The following PCDHA2 variants were observed in gnomAD, a reference collection of about 807,000 sequenced individuals.
PCDHA2 encodes the protein protocadherin alpha 2, also known as protocadherin alpha-2.
A neutral mutation model predicts 66.0 loss-of-function variants in PCDHA2; 58 were observed. The observed-to-expected ratio is 0.88, with a 90% confidence interval of 0.71 to 1.09. PCDHA2 has a LOEUF of 1.09. PCDHA2 is among the 50% of genes least tolerant of loss of function. PCDHA2 has a pLI of 0.00. For missense variants in PCDHA2, 1,267 were observed against 1,242.3 expected (o/e 1.02, Z -0.30); for synonymous variants, 634 against 554.0 (o/e 1.14, Z -2.03).
At chr5:140,941,214 C>CCTTTCTTCCTTTCTTTCTTTCTTTCTTT (rs2092875794) in intron 1 of PCDHA2, among the ~76,000 whole-genome samples, 1 of 122,414 alleles carries the variant, frequency 8.2e-6, no homozygotes, top group Non-Finnish European at 1.7e-5. Flanking sequence ...TTTCTTTCTT[C>CCTTTCTTCCTTTCTTTCTTTCTTTCTTT]CTTTCTTTCT....
chr5:140,843,887 A>T, intron 1 of PCDHA2: 2 of 705,148 alleles, frequency 2.8e-6, no homozygotes, highest in Non-Finnish European at 4.7e-6. Context: ...ATAATACAGT[A>T]TTAATCATTC....
At chr5:140,946,857 G>T (rs2094041766) in intron 1 of PCDHA2, among the ~76,000 whole-genome samples, 1 of 151,296 alleles carries the variant, frequency 6.6e-6, no homozygotes, top group Non-Finnish European at 1.5e-5. Flanking sequence ...GAGAGATTGA[G>T]GAGAGGTTGG....
At chr5:140,857,771 GCAGT>G in intron 1 of PCDHA2, 1 of 1,597,658 alleles carries the variant, frequency 6.3e-7, no homozygotes, top group Non-Finnish European at 8.6e-7. Context: ...CGCGGGCGGT[GCAGT>G]CAGTGAGCTG....
intron 1 of PCDHA2, among the ~76,000 whole-genome samples, chr5:140,944,665 A>G (rs782357699): frequency 1.1e-4 from 17 of 152,138 alleles, no homozygotes; most frequent in Non-Finnish European, 2.5e-4. Flanking sequence ...CCCCTTATTT[A>G]TCTATTCTGT....
At chr5:140,802,066 T>C (rs2149956294) in intron 1 of PCDHA2, 2 of 1,614,186 alleles carry the variant, frequency 1.2e-6, no homozygotes, top group Middle Eastern at 1.6e-4. Flanking sequence ...GCAGATATTC[T>C]GTCAAAATTC....
intron 1 of PCDHA2, chr5:140,858,387 T>C (rs1260966424): frequency 1.9e-6 from 3 of 1,582,118 alleles, no homozygotes; most frequent in Admixed American, 1.8e-5. Flanking sequence ...TGCCCAATGG[T>C]AGATGTGGAC....
At chr5:140,827,212 TAAAGG>T (rs2150084173) in intron 1 of PCDHA2, among the ~76,000 whole-genome samples, 1 of 152,096 alleles carries the variant, frequency 6.6e-6, no homozygotes, top group Admixed American at 6.5e-5. Flanking sequence ...TGAGAACAAT[TAAAGG>T]AAAGGATATG....
At chr5:140,882,823 T>C (rs2059326985) in intron 1 of PCDHA2, 1 of 1,614,160 alleles carries the variant, frequency 6.2e-7, no homozygotes, top group Non-Finnish European at 8.5e-7. Flanking sequence ...CACAAAACAG[T>C]CTTGAGCAAA....
intron 1 of PCDHA2, chr5:140,848,339 A>T (rs1554142071): frequency 4.5e-6 from 4 of 885,086 alleles, no homozygotes. Context: ...AATCCAGACA[A>T]ATACAGCCCT....
At chr5:140,797,471 C>A (rs781911209) in intron 1 of PCDHA2, 119 bp downstream of exon 1, 6 of 1,197,636 alleles carry the variant, frequency 5.0e-6, no homozygotes, top group Non-Finnish European at 7.1e-6. Context: ...TCCTACCGTG[C>A]GATTTTGAAT....
intron 1 of PCDHA2, among the ~76,000 whole-genome samples, chr5:140,943,416 A>T (rs556948015): frequency 2.6e-5 from 4 of 152,286 alleles, no homozygotes; most frequent in African/African-American, 9.6e-5. Flanking sequence ...GACTAGAGGC[A>T]AGGGCTTTAA....
At chr5:140,857,127 A>C in intron 1 of PCDHA2, 1 of 1,598,180 alleles carries the variant, frequency 6.3e-7, no homozygotes, top group Non-Finnish European at 8.6e-7. Flanking sequence ...CCAGTGAAAG[A>C]AGATGCTCAA....
chr5:140,839,671 C>G (rs1194956449), intron 1 of PCDHA2, among the ~76,000 whole-genome samples: 1 of 152,028 alleles, frequency 6.6e-6, no homozygotes, highest in African/African-American at 2.4e-5. Context: ...TATTTAGAGT[C>G]AACTACAGAG....
At chr5:140,803,009 C>A (rs1411845849) in intron 1 of PCDHA2, 4 of 1,614,016 alleles carry the variant, frequency 2.5e-6, no homozygotes, top group African/African-American at 1.3e-5. Flanking sequence ...CAGGCTACAA[C>A]GCGTGGCTTT....
chr5:140,822,378 A>T, intron 1 of PCDHA2: 1 of 1,614,170 alleles, frequency 6.2e-7, no homozygotes, highest in Non-Finnish European at 8.5e-7. Flanking sequence ...CCTTAGATAG[A>T]GAAGAAACAC....
chr5:140,842,993 G>A (rs2150349485), intron 1 of PCDHA2: 1 of 1,595,046 alleles, frequency 6.3e-7, no homozygotes. Context: ...CGTGCTGGAC[G>A]AGAATGACAA....
intron 3 of PCDHA2, among the ~76,000 whole-genome samples, chr5:140,989,765 C>T (rs2097359812): frequency 6.6e-6 from 1 of 152,166 alleles, no homozygotes; most frequent in South Asian, 2.1e-4. Context: ...ATATTCAGTT[C>T]AAGCACTGGC....
At chr5:140,897,863 T>C (rs1432232591) in intron 1 of PCDHA2, among the ~76,000 whole-genome samples, 6 of 152,206 alleles carry the variant, frequency 3.9e-5, no homozygotes, top group Admixed American at 3.9e-4. Flanking sequence ...GTTTCCTGAC[T>C]TTTTAATGAT....
chr5:140,799,816 G>C (rs1762476928), intron 1 of PCDHA2, among the ~76,000 whole-genome samples: 1 of 151,992 alleles, frequency 6.6e-6, no homozygotes, highest in African/African-American at 2.4e-5. Context: ...ATTTTTAAAT[G>C]GTCTGGGTAT....
Sources: gnomAD v4.1 joint callset for allele counts (sites outside exome capture counted in the v4.1 genomes callset) on GRCh38, gnomAD v4.1.1 for gene constraint, MANE v1.5 for transcripts, NCBI Gene and HGNC (gene_info 2026-07-23, HGNC 2026-07-21) for gene names.